Variants in IL1RAPL2 observed in about 807,000 individuals in gnomAD.
The protein encoded by IL1RAPL2 is interleukin 1 receptor accessory protein like 2, also known as X-linked interleukin-1 receptor accessory protein-like 2.
IL1RAPL2 carries 3 observed loss-of-function variants against 44.1 expected under a neutral mutation model. That is an observed-to-expected ratio of 0.07 (90% CI 0.03 to 0.18). The LOEUF is 0.18. Ranked by LOEUF, IL1RAPL2 falls within the 10% of genes least tolerant of loss-of-function variation. The probability of loss-of-function intolerance (pLI) is 1.00; values close to 1 mark genes in which losing one functional copy is unlikely to be tolerated. For synonymous variants in IL1RAPL2, 181 were observed against 178.8 expected (o/e 1.01, Z -0.10); for missense variants, 391 against 496.4 (o/e 0.79, Z 2.02).
At chrX:105,059,818 C>T (rs762157986) in intron 2 of IL1RAPL2, among the ~76,000 whole-genome samples, 3 of 112,134 alleles carry the variant, frequency 2.7e-5, no homozygotes, top group South Asian at 3.7e-4. Context: ...TGTGAGGCAC[C>T]GTGCCCAGCC....
chrX:104,959,301 C>T (rs2029960231), intron 2 of IL1RAPL2, among the ~76,000 whole-genome samples: 1 of 110,802 alleles, frequency 9.0e-6, no homozygotes, highest in African/African-American at 3.3e-5. Flanking sequence ...TATCAGGTGT[C>T]GTCTTATTTC....
Position 104,855,680 on chromosome X carries a change from C to CTTTTTTTTTTTT in IL1RAPL2, c.82+196685_82+196686insTTTTTTTTTTTT, listed in dbSNP as rs1304044009. Among the ~76,000 whole-genome samples the CTTTTTTTTTTTT allele has an allele frequency of 6.0e-3, 322 of 53,759 alleles. 5 individuals are homozygous for CTTTTTTTTTTTT. The highest frequency in any genetic ancestry group is 0.02 in the African/African-American group (312 of 15,935). 46.7% of individuals were successfully genotyped at this position (53,759 alleles called of 115,157 possible). A position where few individuals can be genotyped will look rare whatever the true frequency, so the allele number is the denominator to read the frequency against. On this transcript the variant is annotated intron_variant, in intron 2 of 10. Transcript: ENST00000372582. ...CTTAACTGTGCTAAGGATCTGGATC[C>CTTTTTTTTTTTT]GTTTTTTTTTTTTTTTTTACTGTAT...
chrX:105,630,221 G>A (rs1373406117), intron 6 of IL1RAPL2, among the ~76,000 whole-genome samples: 1 of 111,330 alleles, frequency 9.0e-6, no homozygotes, highest in African/African-American at 3.3e-5. Context: ...CCTATTGAGA[G>A]TAAATCTCTC....
chrX:104,674,113 T>G lies in IL1RAPL2; in HGVS notation c.82+15118T>G, dbSNP rs192283464. On this transcript the variant is annotated intron_variant, in intron 2 of 10. Coordinates refer to ENST00000372582, the MANE Select transcript of IL1RAPL2 (RefSeq NM_017416.2). ...ATTTCTTTCTCCTGCCTAATTGCCC[T>G]GGCCAGAACTTCCAACACTATGTTG... Among the ~76,000 whole-genome samples the G allele has an allele frequency of 9.2e-4, 103 of 111,860 alleles. 1 individual carries two copies. Among genetic ancestry groups the G allele is most frequent in the Non-Finnish European group, 1.1e-3 (57 of 53,197 alleles).
At chrX:104,766,229 G>T (rs1445786922) in intron 2 of IL1RAPL2, among the ~76,000 whole-genome samples, 1 of 112,405 alleles carries the variant, frequency 8.9e-6, no homozygotes, top group African/African-American at 3.2e-5. Flanking sequence ...GGCTCAATTT[G>T]CCTTACTGAG....
chrX:105,372,752 TTAG>T (rs2035353386), intron 5 of IL1RAPL2, among the ~76,000 whole-genome samples: 1 of 112,002 alleles, frequency 8.9e-6, no homozygotes, highest in African/African-American at 3.2e-5. Flanking sequence ...AGTTCCTGCA[TTAG>T]TTTGCTAAGG....
chrX:105,747,672 C>T (rs775364522), intron 8 of IL1RAPL2, among the ~76,000 whole-genome samples: 4 of 108,794 alleles, frequency 3.7e-5, no homozygotes, highest in African/African-American at 1.3e-4. Context: ...CCTGTATAGA[C>T]ATAAGGGACA....
At chrX:105,177,344 G>T (rs1015952790) in intron 2 of IL1RAPL2, among the ~76,000 whole-genome samples, 3 of 110,431 alleles carry the variant, frequency 2.7e-5, no homozygotes, top group African/African-American at 9.9e-5. Context: ...CCATCTAGTT[G>T]CAGGAAAACA....
intron 2 of IL1RAPL2, among the ~76,000 whole-genome samples, chrX:104,813,268 G>A (rs1921043580): frequency 9.0e-6 from 1 of 111,450 alleles, no homozygotes; most frequent in African/African-American, 3.3e-5. Context: ...CAGTATGCAT[G>A]TACAATTGCC....
chrX:105,298,334 T>C (rs1402922067), intron 5 of IL1RAPL2, among the ~76,000 whole-genome samples: 2 of 110,860 alleles, frequency 1.8e-5, no homozygotes, highest in Admixed American at 1.9e-4. Flanking sequence ...AGTGAATAGA[T>C]TGGGAATATA....
At chrX:104,903,456 A>C (rs954654892) in intron 2 of IL1RAPL2, among the ~76,000 whole-genome samples, 2 of 111,976 alleles carry the variant, frequency 1.8e-5, no homozygotes, top group South Asian at 3.7e-4. Context: ...TAAAAAAAAA[A>C]ATGTAAAGAA....
chrX:105,424,705 A>T (rs1291273108), intron 5 of IL1RAPL2, among the ~76,000 whole-genome samples: 1 of 109,444 alleles, frequency 9.1e-6, no homozygotes, highest in African/African-American at 3.3e-5. Context: ...AGTGGAGATC[A>T]TTCCATTGCA....
At chrX:104,880,743 G>T (rs1205427972) in intron 2 of IL1RAPL2, among the ~76,000 whole-genome samples, 1 of 112,302 alleles carries the variant, frequency 8.9e-6, no homozygotes, top group Non-Finnish European at 1.9e-5. Context: ...TCGAAGTAAT[G>T]CATTTTGATA....
At chrX:105,308,563 T>C (rs909120979) in intron 5 of IL1RAPL2, among the ~76,000 whole-genome samples, 3 of 112,144 alleles carry the variant, frequency 2.7e-5, no homozygotes, top group African/African-American at 9.7e-5. Context: ...CCCCACGGAT[T>C]GTTTTTGCCT....
rs749110404 is a variant in IL1RAPL2 at position 104,621,664 on chromosome X, T to C, written c.-19-37231T>C. On this transcript the variant is annotated intron_variant, in intron 1 of 10. Transcript: ENST00000372582. ...CTGAGGCCGATCTCCAGTTTATATA[T>C]GTATTAGGAGATGTTGGTAATGATT... Among the ~76,000 whole-genome samples, 43 of 111,109 alleles carry C rather than the reference T, an allele frequency of 3.9e-4. 1 individual carries two copies. The Admixed American group carries it at 4.0e-3, about 10-fold the overall frequency.
intron 7 of IL1RAPL2, among the ~76,000 whole-genome samples, chrX:105,734,208 A>G (rs947801883): frequency 7.2e-5 from 8 of 110,451 alleles, no homozygotes; most frequent in African/African-American, 2.3e-4. Flanking sequence ...TCAAAATTCT[A>G]TGATGTCACT....
intron 5 of IL1RAPL2, among the ~76,000 whole-genome samples, chrX:105,368,722 A>G (rs920001659): frequency 2.7e-5 from 3 of 110,809 alleles, no homozygotes; most frequent in Middle Eastern, 4.8e-3. Context: ...CTGAATTTCT[A>G]TTTTCTTCCT....
At chrX:105,049,914 A>T (rs993894805) in intron 2 of IL1RAPL2, among the ~76,000 whole-genome samples, 7 of 110,159 alleles carry the variant, frequency 6.4e-5, no homozygotes, top group Admixed American at 9.7e-5. Context: ...GTTCTTAATT[A>T]AAAAAAAATA....
chrX:104,854,449 A>G (rs1434938049), intron 2 of IL1RAPL2, among the ~76,000 whole-genome samples: 1 of 112,118 alleles, frequency 8.9e-6, no homozygotes. Flanking sequence ...CACATGCACA[A>G]AAAAGCACAA....
Sources: allele counts gnomAD v4.1 joint callset (sites outside exome capture counted in the v4.1 genomes callset), GRCh38; gene constraint gnomAD v4.1.1; transcripts MANE v1.5; gene names NCBI Gene and HGNC (gene_info 2026-07-23, HGNC 2026-07-21).